DLGAP1: variants seen among roughly 807,000 people sequenced by gnomAD.
The protein encoded by DLGAP1 is DLG associated protein 1.
In DLGAP1, 11 loss-of-function variants were observed where a neutral mutation model predicts 90.8. The observed-to-expected ratio is 0.12, with a 90% confidence interval of 0.08 to 0.20. The LOEUF (loss-of-function observed/expected upper bound fraction) is 0.20. Among genes scored for constraint, DLGAP1 ranks in the 10% least tolerant of loss-of-function variants. DLGAP1 has a pLI of 1.00. For synonymous variants in DLGAP1, 558 were observed against 540.7 expected (o/e 1.03, Z -0.44); for missense variants, 1,050 against 1,333.8 (o/e 0.79, Z 3.31).
intron 7 of DLGAP1, among the ~76,000 whole-genome samples, chr18:3,710,506 G>A (rs147838073): frequency 2.6e-5 from 4 of 152,312 alleles, no homozygotes; most frequent in Admixed American, 6.5e-5. Flanking sequence ...AAAAGCTCCC[G>A]TCAAGGACGG....
intron 1 of DLGAP1, among the ~76,000 whole-genome samples, chr18:4,303,272 ATTT>A (rs111756809): frequency 1.3e-5 from 2 of 150,292 alleles, no homozygotes; most frequent in Admixed American, 1.3e-4. Context: ...GTATTATTCT[ATTT>A]TTTTTTTCAT....
At chr18:3,772,635 A>T (rs960688530) in intron 5 of DLGAP1, among the ~76,000 whole-genome samples, 22 of 151,282 alleles carry the variant, frequency 1.5e-4, no homozygotes, top group Non-Finnish European at 3.2e-4. Context: ...TTTATTAATA[A>T]TATTATTATA....
In DLGAP1 at chr18:3,766,908, A is replaced by T. The variant is rs193161966; in HGVS notation, c.1173-24396T>A. On this transcript the variant is annotated intron_variant, in intron 5 of 12. Coordinates refer to ENST00000315677, the MANE Select transcript of DLGAP1 (RefSeq NM_004746.4). ...TAATTAAGCTTTTCCTCATGAACCT[A>T]AAAAAAGATCAGAATAAACTCAAAA... is the stretch of plus-strand genomic sequence containing the variant. 1.2e-3 allele frequency among the ~76,000 whole-genome samples: 188 copies of T among 152,162 alleles called. 2 individuals are homozygous for T. The highest frequency in any genetic ancestry group is 4.4e-3 in the African/African-American group (183 of 41,526).
intron 7 of DLGAP1, chr18:3,656,313 A>G: frequency 2.1e-6 from 1 of 484,250 alleles, no homozygotes; most frequent in Non-Finnish European, 3.6e-6. Flanking sequence ...CTTTTCCCCC[A>G]CTAAAACCAT....
At chr18:4,265,131 CT>C (rs773258247) in intron 1 of DLGAP1, among the ~76,000 whole-genome samples, 95 of 148,642 alleles carry the variant, frequency 6.4e-4, no homozygotes, top group African/African-American at 1.7e-3. Flanking sequence ...TCCTTCCTTC[CT>C]TTCCTCCCTC....
intron 1 of DLGAP1, among the ~76,000 whole-genome samples, chr18:4,438,238 T>G (rs2083449217): frequency 6.6e-6 from 1 of 152,024 alleles, no homozygotes; most frequent in Admixed American, 6.5e-5. Context: ...GCATGGCGAA[T>G]AAGGAATCAA....
intron 1 of DLGAP1, among the ~76,000 whole-genome samples, chr18:4,221,132 G>A (rs1029331625): frequency 2.6e-5 from 4 of 151,988 alleles, no homozygotes; most frequent in African/African-American, 9.7e-5. Flanking sequence ...TTCTCAGAAC[G>A]TATTCTGGTT....
chr18:4,387,125 C>T (rs2082245455), intron 1 of DLGAP1, among the ~76,000 whole-genome samples: 2 of 152,062 alleles, frequency 1.3e-5, no homozygotes, highest in South Asian at 4.1e-4. Context: ...TAATAAAAAC[C>T]ATGGGACTGG....
chr18:3,713,091 G>A (rs2061647461), intron 7 of DLGAP1, among the ~76,000 whole-genome samples: 1 of 152,186 alleles, frequency 6.6e-6, no homozygotes, highest in Non-Finnish European at 1.5e-5. Flanking sequence ...ACTATTGGGA[G>A]ATCTATATAC....
At chr18:4,331,456 C>G (rs2080950028) in intron 1 of DLGAP1, among the ~76,000 whole-genome samples, 1 of 151,800 alleles carries the variant, frequency 6.6e-6, no homozygotes, top group South Asian at 2.1e-4. Flanking sequence ...TAAAAGAGGT[C>G]AAGATCTTCA....
intron 7 of DLGAP1, among the ~76,000 whole-genome samples, chr18:3,701,488 G>A (rs371525455): frequency 2.6e-5 from 4 of 152,196 alleles, no homozygotes; most frequent in Admixed American, 6.6e-5. Flanking sequence ...GAAAAAAGCC[G>A]GGCAAAGCAG....
intron 5 of DLGAP1, among the ~76,000 whole-genome samples, chr18:3,810,255 C>G (rs1421267060): frequency 6.6e-6 from 1 of 152,120 alleles, no homozygotes; most frequent in African/African-American, 2.4e-5. Flanking sequence ...TTTAACTGAC[C>G]TTAGGCCTTA....
At chr18:4,253,811 A>G (rs779943948) in intron 1 of DLGAP1, among the ~76,000 whole-genome samples, 1 of 152,066 alleles carries the variant, frequency 6.6e-6, no homozygotes, top group African/African-American at 2.4e-5. Flanking sequence ...TACTTACCCA[A>G]TCCCTGGTAG....
rs139527047 is a variant in DLGAP1, at chr18:4,146,828, A to T, written c.-159+4352T>A. Among the ~76,000 whole-genome samples, 13 of 152,310 alleles carry T rather than the reference A, an allele frequency of 8.5e-5. 1 individual carries two copies. The highest frequency in any genetic ancestry group is 1.8e-4 in the Non-Finnish European group (12 of 68,016). On this transcript the variant is annotated intron_variant, in intron 2 of 12. Coordinates refer to ENST00000315677, the MANE Select transcript of DLGAP1 (RefSeq NM_004746.4). ...ATGAGTGCGTTCTGAGGTTGACTGC[A>T]CTACAGAATACATAACAAAAAAATA... is the stretch of plus-strand genomic sequence containing the variant.
chr18:3,802,955 CTAAGA>C (rs1480180162), intron 5 of DLGAP1, among the ~76,000 whole-genome samples: 2 of 152,116 alleles, frequency 1.3e-5, no homozygotes, highest in Non-Finnish European at 2.9e-5. Flanking sequence ...AGTTTTGCTT[CTAAGA>C]TTTTTTATTC....
At chr18:3,516,185 G>A (rs906212349) in intron 10 of DLGAP1, among the ~76,000 whole-genome samples, 2 of 151,694 alleles carry the variant, frequency 1.3e-5, no homozygotes, top group African/African-American at 2.4e-5. Flanking sequence ...TCTTAATGGC[G>A]TCTAGAATGG....
At chr18:3,707,350 C>A (rs1470616425) in intron 7 of DLGAP1, among the ~76,000 whole-genome samples, 1 of 152,150 alleles carries the variant, frequency 6.6e-6, no homozygotes, top group Non-Finnish European at 1.5e-5. Flanking sequence ...GTAATCCCAG[C>A]ACTTTAGAAG....
At chr18:3,683,954 G>C (rs137913918) in intron 7 of DLGAP1, among the ~76,000 whole-genome samples, 2 of 151,914 alleles carry the variant, frequency 1.3e-5, no homozygotes, top group African/African-American at 4.8e-5. Flanking sequence ...TCCCTCACTG[G>C]GGGGACACGA....
intron 5 of DLGAP1, among the ~76,000 whole-genome samples, chr18:3,759,031 C>A (rs1165421807): frequency 6.6e-6 from 1 of 152,148 alleles, no homozygotes; most frequent in Non-Finnish European, 1.5e-5. Context: ...GAGGAACAAA[C>A]TCCTATAGAC....
Sources: allele counts gnomAD v4.1 joint callset (sites outside exome capture counted in the v4.1 genomes callset), GRCh38; gene constraint gnomAD v4.1.1; transcripts MANE v1.5; gene names NCBI Gene and HGNC (gene_info 2026-07-23, HGNC 2026-07-21).